Variants in PPP4R2 observed in about 807,000 individuals in gnomAD.
PPP4R2 encodes the protein protein phosphatase 4 regulatory subunit 2.
PPP4R2 carries 13 observed loss-of-function variants against 47.2 expected under a neutral mutation model. The ratio of observed to expected loss-of-function variants is 0.28; its 90% CI spans 0.18 to 0.44. PPP4R2 has a LOEUF of 0.44. PPP4R2 is among the 20% of genes least tolerant of loss of function. The pLI is 1.00. For synonymous variants in PPP4R2, 151 were observed against 163.3 expected (o/e 0.92, Z 0.57); for missense variants, 421 against 491.2 (o/e 0.86, Z 1.35).
intron 2 of PPP4R2, among the ~76,000 whole-genome samples, chr3:73,030,607 C>T (rs890501277): frequency 7.1e-5 from 10 of 140,574 alleles, no homozygotes; most frequent in East Asian, 6.7e-4. Flanking sequence ...GTGGGGATTA[C>T]GTTGATTTTT....
chr3:73,032,399 C>T (rs1702182799), intron 2 of PPP4R2, among the ~76,000 whole-genome samples: 1 of 52,672 alleles, frequency 1.9e-5, no homozygotes, highest in South Asian at 4.1e-4. Flanking sequence ...AGCGATTCTC[C>T]TGCCTCAGCC....
intron 2 of PPP4R2, among the ~76,000 whole-genome samples, chr3:72,998,997 A>G (rs940472413): frequency 6.6e-6 from 1 of 152,174 alleles, no homozygotes; most frequent in Non-Finnish European, 1.5e-5. Context: ...AGAATTGTAT[A>G]ATTTCTCTGG....
chr3:73,021,327 T>A (rs974407796), intron 2 of PPP4R2, among the ~76,000 whole-genome samples: 41 of 151,716 alleles, frequency 2.7e-4, no homozygotes, highest in African/African-American at 9.4e-4. Context: ...TCAATCTCCC[T>A]GGCTCAGGTG....
At position 73,025,909 on chromosome 3, in the gene PPP4R2, C is replaced by G. The variant is rs375301843; in HGVS notation, c.117-21277C>G. Among the ~76,000 whole-genome samples the G allele has an allele frequency of 2.6e-5, 4 of 152,054 alleles. No homozygotes were observed. In the East Asian group the frequency reaches 7.7e-4, roughly 29 times the overall value. ...GAGATGAGAATTTGTAATGGTGCAG[C>G]ATTAGTGGGAATGAACATGAGGGTT... is the stretch of plus-strand genomic sequence containing the variant. On this transcript the variant is annotated intron_variant, in intron 2 of 8. Coordinates refer to ENST00000356692, the MANE Select transcript of PPP4R2 (RefSeq NM_174907.4).
At chr3:73,001,407 A>G (rs535716294) in intron 2 of PPP4R2, among the ~76,000 whole-genome samples, 2 of 152,064 alleles carry the variant, frequency 1.3e-5, no homozygotes, top group Non-Finnish European at 1.5e-5. Flanking sequence ...TACAAAAAAT[A>G]TAAAAAATTA....
intron 2 of PPP4R2, among the ~76,000 whole-genome samples, chr3:73,007,863 A>G (rs1309498738): frequency 2.0e-5 from 3 of 152,146 alleles, no homozygotes; most frequent in African/African-American, 4.8e-5. Context: ...TTTGAAAATT[A>G]TTTCTAAAAT....
At chr3:73,043,925 C>T (rs1168126304) in intron 2 of PPP4R2, among the ~76,000 whole-genome samples, 1 of 152,192 alleles carries the variant, frequency 6.6e-6, no homozygotes, top group Non-Finnish European at 1.5e-5. Flanking sequence ...CACCTTCCTC[C>T]CCACAGTTCC....
intron 2 of PPP4R2, among the ~76,000 whole-genome samples, chr3:73,026,060 TTAG>T (rs935788417): frequency 2.0e-5 from 3 of 152,210 alleles, no homozygotes; most frequent in African/African-American, 7.2e-5. Context: ...ATATATGCTA[TTAG>T]TAGTAGTCAT....
At position 73,061,062 on chromosome 3, in the gene PPP4R2, T is replaced by TA; in HGVS notation, c.419+4dup. 6.8e-7 allele frequency: 1 copy of TA among 1,478,234 alleles called. No homozygotes were observed. The highest frequency in any genetic ancestry group is 9.2e-7 in the Non-Finnish European group (1 of 1,086,034). The allele number at this position is 1,478,234 out of a possible 1,614,324, so 91.6% of individuals were successfully genotyped here. On this transcript the variant is annotated splice_region_variant and intron_variant, in intron 5 of 8. Coordinates refer to ENST00000356692, the MANE Select transcript of PPP4R2 (RefSeq NM_174907.4). The stretch of plus-strand genomic sequence containing the variant: ...TAGCTGTGTTTATCCTTCTTCAGAG[T>TA]AAGTATATTTTTTCTATTTCTAGTA...
intron 3 of PPP4R2, among the ~76,000 whole-genome samples, chr3:73,047,870 TTTTTG>T (rs1264266885): frequency 2.0e-5 from 3 of 152,090 alleles, no homozygotes; most frequent in African/African-American, 7.2e-5. Flanking sequence ...CTCCCCGGTT[TTTTTG>T]TTTTGTTTTG....
At chr3:73,062,109 T>C (rs751988798) in intron 5 of PPP4R2, 2 of 1,546,466 alleles carry the variant, frequency 1.3e-6, no homozygotes, top group South Asian at 1.2e-5. Flanking sequence ...ATTGTATGCT[T>C]ATGTTAATTC....
intron 2 of PPP4R2, among the ~76,000 whole-genome samples, chr3:73,000,486 A>T (rs1701436739): frequency 6.6e-6 from 1 of 152,178 alleles, no homozygotes; most frequent in South Asian, 2.1e-4. Flanking sequence ...TTGATTTGAC[A>T]CTTGCTTTTA....
At chr3:73,018,231 G>A (rs540431766) in intron 2 of PPP4R2, among the ~76,000 whole-genome samples, 2 of 152,232 alleles carry the variant, frequency 1.3e-5, no homozygotes, top group South Asian at 2.1e-4. Context: ...AACATAGATT[G>A]AAAGTACAAT....
chr3:73,036,740 ATTAC>A (rs1702268712), intron 2 of PPP4R2, among the ~76,000 whole-genome samples: 1 of 152,170 alleles, frequency 6.6e-6, no homozygotes, highest in Non-Finnish European at 1.5e-5. Flanking sequence ...CCAGATAATT[ATTAC>A]TTACGTGATT....
intron 2 of PPP4R2, among the ~76,000 whole-genome samples, chr3:73,019,154 C>T (rs1446168561): frequency 6.6e-6 from 1 of 152,060 alleles, no homozygotes; most frequent in African/African-American, 2.4e-5. Context: ...GAATACTTAC[C>T]ATTACAGGTT....
intron 2 of PPP4R2, 53 bp from the exon 3 acceptor site, chr3:73,047,133 C>T: frequency 9.6e-7 from 1 of 1,037,518 alleles, no homozygotes; most frequent in Non-Finnish European, 1.4e-6. Flanking sequence ...GTTTTGTGTT[C>T]AAGAATTGTG....
intron 2 of PPP4R2, among the ~76,000 whole-genome samples, chr3:73,015,206 GTC>G (rs748585180): frequency 3.2e-4 from 49 of 152,166 alleles, no homozygotes; most frequent in Admixed American, 4.6e-4. Context: ...TTGAGACAGA[GTC>G]TCTCTCTGTT....
intron 2 of PPP4R2, among the ~76,000 whole-genome samples, chr3:73,045,765 G>A (rs997180426): frequency 6.6e-6 from 1 of 152,082 alleles, no homozygotes; most frequent in Non-Finnish European, 1.5e-5. Context: ...GACCTCAGGT[G>A]ATCCGCCTGC....
At chr3:73,036,346 C>G (rs539995097) in intron 2 of PPP4R2, among the ~76,000 whole-genome samples, 1 of 152,208 alleles carries the variant, frequency 6.6e-6, no homozygotes, top group South Asian at 2.1e-4. Flanking sequence ...AGTAGGATGA[C>G]TATAGTTAAC....
Sources: gnomAD v4.1 joint callset for allele counts (sites outside exome capture counted in the v4.1 genomes callset) on GRCh38, gnomAD v4.1.1 for gene constraint, MANE v1.5 for transcripts, NCBI Gene and HGNC (gene_info 2026-07-23, HGNC 2026-07-21) for gene names.